The following ADAMTS9 variants were observed in gnomAD, a reference collection of about 807,000 sequenced individuals.
ADAMTS9 encodes ADAM metallopeptidase with thrombospondin type 1 motif 9.
Under a neutral mutation model 257.1 loss-of-function variants are expected in ADAMTS9, and 107 were observed. That is an observed-to-expected ratio of 0.42 (90% CI 0.36 to 0.49). The LOEUF is 0.49. Among genes scored for constraint, ADAMTS9 ranks in the 20% least tolerant of loss-of-function variants. The pLI, the probability that ADAMTS9 is intolerant of heterozygous loss-of-function variation, is 0.03. For missense variants in ADAMTS9, 2,353 were observed against 2,469.1 expected, an observed-to-expected ratio of 0.95 and a Z score of 1.00; for synonymous variants, 982 against 880.9, an observed-to-expected ratio of 1.11 and a Z score of -2.03.
At chr3:64,536,680 G>A (rs774637905) in intron 37 of ADAMTS9, among the ~76,000 whole-genome samples, 34 of 152,146 alleles carry the variant, frequency 2.2e-4, no homozygotes, top group Non-Finnish European at 3.7e-4. Flanking sequence ...CTTTAAAAAG[G>A]AGGCATTTTC....
intron 22 of ADAMTS9, among the ~76,000 whole-genome samples, chr3:64,611,943 G>A (rs572776749): frequency 2.0e-5 from 3 of 152,164 alleles, no homozygotes; most frequent in African/African-American, 7.2e-5. Context: ...CTTTAAAATG[G>A]TTCATTTTGT....
At chr3:64,522,366 T>C (rs1339195709) in intron 38 of ADAMTS9, 106 bp from the exon 39 acceptor site, 2 of 921,720 alleles carry the variant, frequency 2.2e-6, no homozygotes, top group East Asian at 5.2e-5. Context: ...ACAGGCCTTC[T>C]GAACTGATGT....
At chr3:64,642,232 G>C (rs1700664139) in intron 11 of ADAMTS9, among the ~76,000 whole-genome samples, 1 of 152,162 alleles carries the variant, frequency 6.6e-6, no homozygotes. Context: ...ACTGGCTCCA[G>C]GCTGACAGGG....
chr3:64,541,383 G>C lies in ADAMTS9; in HGVS notation c.5324C>G (p.Pro1775Arg). Residue 1775 changes from proline to arginine, a missense_variant, in exon 35 of 40, where the codon CCC (proline) becomes CGC (arginine). Physicochemically the swap from Pro to Arg is moderately radical, Grantham distance 103. Around this residue, in one of 3 missense-constraint regions of ADAMTS9, gnomAD observed 1,402 missense variants for 1,441.4 expected, o/e 0.97. Coordinates refer to ENST00000498707, the MANE Select transcript of ADAMTS9 (RefSeq NM_182920.2). ...IFCAGMHSDH[P>R]KEYVTLVHGD... ...ATGCACCAGTGTCACGTACTCTTTG[G>C]GGTGGTCAGAGTGCATCCCCGCACA... The C allele has an allele frequency of 6.2e-7, 1 of 1,614,102 alleles. No homozygotes were observed. Among genetic ancestry groups the C allele is most frequent in the South Asian group, 1.1e-5 (1 of 91,084 alleles).
At chr3:64,681,092 T>C in intron 3 of ADAMTS9, 109 bp downstream of exon 3, 3 of 1,269,180 alleles carry the variant, frequency 2.4e-6, no homozygotes, top group South Asian at 3.1e-5. Flanking sequence ...GAATAAACAA[T>C]AATGCATATG....
Position 64,651,005 on chromosome 3 carries a change from T to C in ADAMTS9, c.1463+12A>G, listed in dbSNP as rs1343919237. 7 of 1,595,862 alleles carry C rather than the reference T, an allele frequency of 4.4e-6. No homozygotes were observed. Among genetic ancestry groups the C allele is most frequent in the African/African-American group, 2.7e-5 (2 of 73,666 alleles). On this transcript the variant is annotated intron_variant, in intron 9 of 39. Coordinates refer to ENST00000498707, the MANE Select transcript of ADAMTS9 (RefSeq NM_182920.2). ...ACTAGAAGTTTGTGCTAAAAGAATG[T>C]TCAAGTCTTACTCTAAAAACTCAGT...
chr3:64,527,304 A>T (rs1458281205), intron 38 of ADAMTS9, among the ~76,000 whole-genome samples: 2 of 152,234 alleles, frequency 1.3e-5, no homozygotes, highest in Non-Finnish European at 1.5e-5. Context: ...CATTAAGAAT[A>T]GTTTGTATTT....
At chr3:64,604,515 T>A (rs2084524484) in intron 23 of ADAMTS9, among the ~76,000 whole-genome samples, 184 bp from the exon 24 acceptor site, 1 of 152,160 alleles carries the variant, frequency 6.6e-6, no homozygotes, top group Admixed American at 6.5e-5. Flanking sequence ...TGAGATATAA[T>A]CTTAGTCCTT....
chr3:64,665,770 G>T (rs1701339999), intron 3 of ADAMTS9, among the ~76,000 whole-genome samples: 1 of 152,140 alleles, frequency 6.6e-6, no homozygotes, highest in Non-Finnish European at 1.5e-5. Context: ...AAGTGCTGAG[G>T]GCTGGTCTTC....
At chr3:64,645,739 GTTC>G (rs1434830859) in intron 11 of ADAMTS9, among the ~76,000 whole-genome samples, 1 of 152,138 alleles carries the variant, frequency 6.6e-6, no homozygotes, top group Non-Finnish European at 1.5e-5. Flanking sequence ...TCTCTGCACA[GTTC>G]TTCTCCAAAA....
intron 22 of ADAMTS9, among the ~76,000 whole-genome samples, chr3:64,609,427 A>G (rs1204950552): frequency 2.0e-5 from 3 of 152,188 alleles, no homozygotes; most frequent in African/African-American, 7.2e-5. Context: ...AAACAAATTT[A>G]GCAACATTGA....
intron 26 of ADAMTS9, among the ~76,000 whole-genome samples, chr3:64,600,382 A>G (rs1328173399): frequency 6.6e-6 from 1 of 152,158 alleles, no homozygotes; most frequent in East Asian, 1.9e-4. Flanking sequence ...CAAACAAAAA[A>G]CAGGCACAAT....
intron 3 of ADAMTS9, among the ~76,000 whole-genome samples, chr3:64,669,910 A>G (rs1576180192): frequency 1.3e-5 from 2 of 152,224 alleles, no homozygotes; most frequent in East Asian, 3.9e-4. Flanking sequence ...ACTTGTTACA[A>G]TGAAATAACA....
At chr3:64,608,280 GA>G (rs1201371406) in intron 22 of ADAMTS9, among the ~76,000 whole-genome samples, 1 of 94,096 alleles carries the variant, frequency 1.1e-5, no homozygotes, top group African/African-American at 4.4e-5. Context: ...AAAAAAACAA[GA>G]AAAGGAAGGA....
chr3:64,681,397 C>G, intron 2 of ADAMTS9, 34 bp from the exon 3 acceptor site: 2 of 1,579,096 alleles, frequency 1.3e-6, no homozygotes, highest in African/African-American at 1.4e-5. Context: ...GTTGATTTAA[C>G]GTAACTCAGT....
At chr3:64,615,917 C>A (rs1455283865) in intron 20 of ADAMTS9, 43 bp downstream of exon 20, 1 of 1,608,962 alleles carries the variant, frequency 6.2e-7, no homozygotes, top group Admixed American at 1.7e-5. Context: ...ATCAACTAAT[C>A]AGACAGCATC....
intron 3 of ADAMTS9, among the ~76,000 whole-genome samples, chr3:64,673,598 T>C (rs79310381): frequency 0.012 from 1,805 of 152,310 alleles, 49 homozygotes; most frequent in East Asian, 0.12. Flanking sequence ...TAACTGATGA[T>C]TGTAAAAAGG....
At chr3:64,561,370 C>A (rs2083418941) in intron 30 of ADAMTS9, 4 of 310,110 alleles carry the variant, frequency 1.3e-5, no homozygotes, top group Non-Finnish European at 2.3e-5. Flanking sequence ...CTCAGGAATA[C>A]AGACAGACGT....
chr3:64,650,987 G>A (rs751333627), intron 9 of ADAMTS9, 30 bp downstream of exon 9: 1 of 1,579,684 alleles, frequency 6.3e-7, no homozygotes, highest in Non-Finnish European at 8.6e-7. Context: ...GGCACTAGAA[G>A]TTTGTGCTAA....
Sources: gnomAD v4.1 joint callset for allele counts (sites outside exome capture counted in the v4.1 genomes callset) on GRCh38, gnomAD v4.1.1 for gene constraint, gnomAD v4.1.1 regional missense constraint, MANE v1.5 for transcripts, NCBI Gene and HGNC (gene_info 2026-07-23, HGNC 2026-07-21) for gene names.